Variants in CEP70 observed in about 807,000 individuals in gnomAD.
CEP70 encodes the protein centrosomal protein 70, also known as centrosomal protein of 70 kDa.
CEP70 carries 70 observed loss-of-function variants against 90.9 expected under a neutral mutation model. The observed-to-expected ratio is 0.77, with a 90% CI of 0.64 to 0.94. The LOEUF is 0.94. Ranked by LOEUF, CEP70 falls within the 40% of genes least tolerant of loss-of-function variation. The pLI, the probability that CEP70 is intolerant of heterozygous loss-of-function variation, is 0.00. For synonymous variants in CEP70, 220 were observed against 228.3 expected (o/e 0.96, Z 0.33); for missense variants, 648 against 669.0 (o/e 0.97, Z 0.35).
chr3:138,580,727 G>C lies in CEP70; in HGVS notation c.-5-7795C>G, dbSNP rs1576932293. Among the ~76,000 whole-genome samples, 3 of 152,072 alleles carry C rather than the reference G, an allele frequency of 2.0e-5. No homozygotes were observed. The South Asian group carries it at 6.2e-4, about 32-fold the overall frequency. On this transcript the variant is annotated intron_variant, in intron 2 of 17. Transcript: ENST00000264982. Reference sequence around the variant, plus strand: ...ACAGAGATATGTGACCTTTCAGATAGAATTCAAAATAGCTGTTTTGAGGAA... The same window carrying C: ...ACAGAGATATGTGACCTTTCAGATACAATTCAAAATAGCTGTTTTGAGGAA...
At chr3:138,513,183 G>C (rs1010439775) in intron 11 of CEP70, among the ~76,000 whole-genome samples, 1 of 152,326 alleles carries the variant, frequency 6.6e-6, no homozygotes, top group South Asian at 2.1e-4. Flanking sequence ...ATGATGCACA[G>C]CCTGTGCACT....
chr3:138,556,671 G>A (rs577938323), intron 6 of CEP70, among the ~76,000 whole-genome samples: 14 of 152,076 alleles, frequency 9.2e-5, no homozygotes, highest in East Asian at 1.9e-4. Context: ...AAAGCTGGGC[G>A]TCCGGGGGAG....
intron 13 of CEP70, among the ~76,000 whole-genome samples, chr3:138,502,666 G>C (rs1184071611): frequency 6.6e-6 from 1 of 152,074 alleles, no homozygotes; most frequent in Non-Finnish European, 1.5e-5. Context: ...TTTTGCTTCA[G>C]AATAAAAGAG....
At chr3:138,587,416 A>G (rs899272144) in intron 2 of CEP70, among the ~76,000 whole-genome samples, 1 of 152,148 alleles carries the variant, frequency 6.6e-6, no homozygotes, top group Non-Finnish European at 1.5e-5. Flanking sequence ...TAAAAAAACT[A>G]TAATTCAGGA....
chr3:138,496,331 G>A (rs546412786), intron 17 of CEP70: 2 of 985,172 alleles, frequency 2.0e-6, no homozygotes, highest in Admixed American at 6.2e-5. Flanking sequence ...TTAAGCTCCC[G>A]ACTTCAGTCA....
chr3:138,529,904 A>G (rs1427845600), intron 8 of CEP70, among the ~76,000 whole-genome samples: 1 of 152,240 alleles, frequency 6.6e-6, no homozygotes, highest in African/African-American at 2.4e-5. Flanking sequence ...TCATAAGTGG[A>G]AAAAGCAACA....
chr3:138,547,647 C>G (rs534671860), intron 6 of CEP70, among the ~76,000 whole-genome samples: 1 of 152,272 alleles, frequency 6.6e-6, no homozygotes, highest in East Asian at 1.9e-4. Context: ...CATCATTCCT[C>G]TTGCATCTTG....
chr3:138,561,681 T>G (rs2040417049), intron 6 of CEP70, among the ~76,000 whole-genome samples: 1 of 151,960 alleles, frequency 6.6e-6, no homozygotes, highest in Non-Finnish European at 1.5e-5. Flanking sequence ...AATAACCGGT[T>G]TAGAGAAGAA....
In CEP70 at chr3:138,569,007, C is replaced by CA. The variant is rs1397556620; in HGVS notation, c.465+1310dup. 2.1e-3 allele frequency among the ~76,000 whole-genome samples: 307 copies of CA among 148,626 alleles called. 4 individuals are homozygous for CA. The highest frequency in any genetic ancestry group is 1.5e-3 in the Non-Finnish European group (100 of 66,874). On this transcript the variant is annotated intron_variant, in intron 6 of 17. Coordinates refer to ENST00000264982, the MANE Select transcript of CEP70 (RefSeq NM_024491.4). ...TAAAAAAACAAACAAAAAAAAAACA[C>CA]AAAAAAAAACAAAGCCAACCTAAAA...
rs1462159292 is a variant in CEP70 at position 138,494,380 on chromosome 3, C to G, written c.*635G>C. The G allele has an allele frequency of 6.6e-6, 1 of 152,226 alleles. No homozygotes were observed. Among genetic ancestry groups the G allele is most frequent in the East Asian group, 1.9e-4 (1 of 5,210 alleles). The allele number at this position is 152,226 out of a possible 1,614,324, so 9.4% of individuals were successfully genotyped here. A position where few individuals can be genotyped will look rare whatever the true frequency, so the allele number is the denominator to read the frequency against. On this transcript the variant is annotated 3_prime_UTR_variant, in exon 18 of 18. Coordinates refer to ENST00000264982, the MANE Select transcript of CEP70 (RefSeq NM_024491.4). ...TTTACAGAAATTTTATTTGAGATCT[C>G]AAGTCCTTATAAAAAGTGCATTACA...
intron 2 of CEP70, among the ~76,000 whole-genome samples, chr3:138,578,116 T>C (rs969178378): frequency 6.6e-6 from 1 of 152,258 alleles, no homozygotes; most frequent in Non-Finnish European, 1.5e-5. Context: ...TTCAATAAAA[T>C]GGTGTAGTAC....
intron 6 of CEP70, among the ~76,000 whole-genome samples, chr3:138,550,054 A>G (rs1181537105): frequency 6.6e-6 from 1 of 152,182 alleles, no homozygotes; most frequent in Non-Finnish European, 1.5e-5. Flanking sequence ...GGACAAAAGA[A>G]TCTGAACAGC....
At chr3:138,580,623 C>T (rs973591074) in intron 2 of CEP70, among the ~76,000 whole-genome samples, 17 of 152,038 alleles carry the variant, frequency 1.1e-4, no homozygotes, top group Admixed American at 2.0e-4. Flanking sequence ...CACCAACAAA[C>T]ATCTACAAGT....
chr3:138,537,336 C>T lies in CEP70; in HGVS notation c.477G>A (p.Gln159=). The T allele has an allele frequency of 1.9e-6, 3 of 1,589,962 alleles. No individual in the cohort carries two copies. The highest frequency in any genetic ancestry group is 1.8e-5 in the Admixed American group (1 of 55,256). Residue 159 remains glutamine, a synonymous_variant, in exon 7 of 18, where the codon CAG becomes CAA. Coordinates refer to ENST00000264982, the MANE Select transcript of CEP70 (RefSeq NM_024491.4). ...KEQKTLQVKC[Q]HYKKKRTEQE... ...GCTCCGTTCGTTTTTTCTTATAATG[C>T]TGGCACTTCACCTATAAGATATTTT...
chr3:138,538,258 C>T (rs1331246617), intron 6 of CEP70, among the ~76,000 whole-genome samples: 1 of 152,140 alleles, frequency 6.6e-6, no homozygotes, highest in East Asian at 1.9e-4. Context: ...GGTATCTCAG[C>T]CAAAGAAGAT....
chr3:138,520,093 T>G (rs1267913173), intron 11 of CEP70, among the ~76,000 whole-genome samples: 1 of 152,152 alleles, frequency 6.6e-6, no homozygotes, highest in East Asian at 1.9e-4. Context: ...AGAAGGCCAT[T>G]ACATAATGGT....
chr3:138,562,457 G>A (rs544586768), intron 6 of CEP70, among the ~76,000 whole-genome samples: 1 of 152,306 alleles, frequency 6.6e-6, no homozygotes, highest in East Asian at 1.9e-4. Flanking sequence ...GGCAGCCAGA[G>A]AAAAAGGTTG....
At position 138,505,369 on chromosome 3, in the gene CEP70, G is replaced by C. The variant is rs942378419; in HGVS notation, c.1147C>G (p.Leu383Val). ...TGCTCAAATCCACAATCTTGAACAAGATCTTTATTAAAATTTTGGACTCCC... is the reference window on the plus strand; with the variant it reads ...TGCTCAAATCCACAATCTTGAACAACATCTTTATTAAAATTTTGGACTCCC... ...KGGVQNFNKD[L>V]VQDCGFEHLV... Residue 383 changes from leucine (L) to valine (V), a missense_variant, in exon 13 of 18, where the codon CTT (leucine) becomes GTT (valine). Leu to Val is a conservative substitution (Grantham distance 32). Coordinates refer to ENST00000264982, the MANE Select transcript of CEP70 (RefSeq NM_024491.4). 3 of 1,612,442 alleles carry C rather than the reference G, an allele frequency of 1.9e-6. No homozygotes were observed. In the Admixed American group the frequency reaches 5.0e-5, roughly 27 times the overall value.
At chr3:138,551,942 T>C (rs1425694416) in intron 6 of CEP70, among the ~76,000 whole-genome samples, 1 of 151,916 alleles carries the variant, frequency 6.6e-6, no homozygotes, top group Non-Finnish European at 1.5e-5. Flanking sequence ...AACTAACATA[T>C]AAGGACTTAC....
Sources: gnomAD v4.1 joint callset for allele counts (sites outside exome capture counted in the v4.1 genomes callset) on GRCh38, gnomAD v4.1.1 for gene constraint, MANE v1.5 for transcripts, NCBI Gene and HGNC (gene_info 2026-07-23, HGNC 2026-07-21) for gene names.